The following SPMAP2L variants were observed in gnomAD, a reference collection of about 807,000 sequenced individuals.
SPMAP2L encodes sperm microtubule associated protein 2 like.
chr4:56,600,097 CTTTTTTTTTTTTTTTTTT>C, the SPMAP2L span, among the ~76,000 whole-genome samples: 4 of 87,782 alleles, frequency 4.6e-5, no homozygotes, highest in Non-Finnish European at 6.4e-5. Context: ...TCTTTGCTTT[CTTTTTTTTTTTTTTTTTT>C]TTTTTTTTTT....
the SPMAP2L span, among the ~76,000 whole-genome samples, chr4:56,546,331 G>T: frequency 6.6e-6 from 1 of 152,082 alleles, no homozygotes; most frequent in Non-Finnish European, 1.5e-5. Flanking sequence ...ATTTCGTTCC[G>T]GGAACTCTGA....
At chr4:56,601,024 C>T in the SPMAP2L span, 38 of 1,535,246 alleles carry the variant, frequency 2.5e-5, no homozygotes, top group African/African-American at 2.6e-4. Flanking sequence ...TCTACCTGAC[C>T]GTGATGCCCA....
the SPMAP2L span, among the ~76,000 whole-genome samples, chr4:56,544,862 G>A: frequency 6.6e-6 from 1 of 152,212 alleles, no homozygotes; most frequent in Admixed American, 6.5e-5. Context: ...TGACCAGAAA[G>A]CTCAGCAACG....
At chr4:56,594,077 G>GA in the SPMAP2L span, 1 of 1,609,126 alleles carries the variant, frequency 6.2e-7, no homozygotes, top group Non-Finnish European at 8.5e-7. Context: ...TTCTCTTGAT[G>GA]AAACAGTCAA....
chr4:56,566,275 T>C, the SPMAP2L span, among the ~76,000 whole-genome samples: 1 of 152,208 alleles, frequency 6.6e-6, no homozygotes, highest in African/African-American at 2.4e-5. Context: ...CTTGGCTCAC[T>C]GCAACCTCTG....
the SPMAP2L span, chr4:56,552,683 T>C: frequency 1.2e-6 from 1 of 860,390 alleles, no homozygotes; most frequent in Non-Finnish European, 1.9e-6. Context: ...AAGTATTATT[T>C]ATCCATCCAC....
At chr4:56,547,240 CTCTTTT>C in the SPMAP2L span, among the ~76,000 whole-genome samples, 1 of 83,744 alleles carries the variant, frequency 1.2e-5, no homozygotes, top group African/African-American at 4.8e-5. Context: ...ATTACTAATT[CTCTTTT>C]TTTTTTTTTT....
At chr4:56,533,658 G>A in the SPMAP2L span, among the ~76,000 whole-genome samples, 6 of 151,924 alleles carry the variant, frequency 3.9e-5, no homozygotes, top group South Asian at 4.2e-4. Context: ...ATACAAACAT[G>A]TGCAATGGAC....
chr4:56,604,168 G>A, the SPMAP2L span, among the ~76,000 whole-genome samples: 1 of 152,138 alleles, frequency 6.6e-6, no homozygotes, highest in African/African-American at 2.4e-5. Context: ...TTTTGAACTT[G>A]AGTTTTGGAA....
the SPMAP2L span, among the ~76,000 whole-genome samples, chr4:56,550,304 T>C: frequency 6.6e-6 from 1 of 152,176 alleles, no homozygotes; most frequent in Non-Finnish European, 1.5e-5. Context: ...ACCATGCTTC[T>C]AGATTTTTCC....
the SPMAP2L span, among the ~76,000 whole-genome samples, chr4:56,592,727 G>C: frequency 6.6e-6 from 1 of 151,992 alleles, no homozygotes; most frequent in Non-Finnish European, 1.5e-5. Context: ...CCGCCTGGCT[G>C]GGGGATCGGG....
chr4:56,619,767 C>T, the SPMAP2L span, among the ~76,000 whole-genome samples: 1 of 152,096 alleles, frequency 6.6e-6, no homozygotes, highest in African/African-American at 2.4e-5. Flanking sequence ...AGAAAATCAG[C>T]AGAGTGAAAA....
At chr4:56,591,825 T>C in the SPMAP2L span, among the ~76,000 whole-genome samples, 21 of 152,352 alleles carry the variant, frequency 1.4e-4, no homozygotes, top group South Asian at 4.3e-3. Flanking sequence ...TCTGCTTTTC[T>C]TCTTATTGGC....
chr4:56,545,063 AC>A, the SPMAP2L span, among the ~76,000 whole-genome samples: 3 of 152,292 alleles, frequency 2.0e-5, no homozygotes, highest in South Asian at 6.2e-4. Context: ...CGGGCTACTG[AC>A]ATTTGCATGT....
the SPMAP2L span, chr4:56,595,677 G>GTTTATGAGTTGCCATT: frequency 1.3e-5 from 14 of 1,117,150 alleles, no homozygotes; most frequent in East Asian, 3.0e-4. Context: ...ACCCATGGAA[G>GTTTATGAGTTGCCATT]TTTATGAGTT....
the SPMAP2L span, chr4:56,595,622 G>T: frequency 3.2e-6 from 4 of 1,268,622 alleles, no homozygotes; most frequent in Non-Finnish European, 4.6e-6. Flanking sequence ...TGATTGCCCG[G>T]ATTGATGACA....
the SPMAP2L span, among the ~76,000 whole-genome samples, chr4:56,575,171 C>A: frequency 1.3e-5 from 2 of 151,884 alleles, no homozygotes; most frequent in South Asian, 2.1e-4. Context: ...ATGGCGTGAA[C>A]CTGGGAGGCG....
At chr4:56,532,140 CTTAG>C in the SPMAP2L span, among the ~76,000 whole-genome samples, 1 of 152,152 alleles carries the variant, frequency 6.6e-6, no homozygotes, top group Admixed American at 6.5e-5. Flanking sequence ...ACTTTATTCC[CTTAG>C]TAAGTTGGTT....
At chr4:56,609,011 A>T in the SPMAP2L span, among the ~76,000 whole-genome samples, 1 of 149,522 alleles carries the variant, frequency 6.7e-6, no homozygotes, top group African/African-American at 2.5e-5. Context: ...TGTATATCCT[A>T]TGCTGATATC....
Sources: allele counts gnomAD v4.1 joint callset (sites outside exome capture counted in the v4.1 genomes callset), GRCh38; gene constraint gnomAD v4.1.1; transcripts MANE v1.5; gene names NCBI Gene and HGNC (gene_info 2026-07-23, HGNC 2026-07-21).